ZNF124: variants seen among roughly 807,000 people sequenced by gnomAD.
The protein encoded by ZNF124 is zinc finger protein HZF-16.
A neutral mutation model predicts 26.6 loss-of-function variants in ZNF124; 25 were observed. That is an observed-to-expected ratio of 0.94 (90% confidence interval 0.68 to 1.31). ZNF124 has a LOEUF of 1.31. Among genes scored for constraint, ZNF124 ranks in the 40% most tolerant of loss-of-function variants. ZNF124 has a pLI of 0.00. For synonymous variants in ZNF124, 129 were observed against 133.3 expected, an observed-to-expected ratio of 0.97 and a Z score of 0.22; for missense variants, 444 against 422.2, an observed-to-expected ratio of 1.05 and a Z score of -0.45.
At chr1:247,150,140 T>C (rs1056603250), downstream of ZNF124, among the ~76,000 whole-genome samples, 4 of 152,230 alleles carry the variant, frequency 2.6e-5, no homozygotes, top group African/African-American at 9.6e-5. Flanking sequence ...GGACAAACTT[T>C]TAAGTCACGG....
In ZNF124 at chr1:247,138,424, AC is replaced by A. The variant is rs1452938515; in HGVS notation, c.219-14554del. 1.1e-4 allele frequency: 24 copies of A among 221,752 alleles called. 1 individual carries two copies. In the Middle Eastern group the frequency reaches 9.5e-3, roughly 87 times the overall value. 13.7% of individuals were successfully genotyped at this position (221,752 alleles called of 1,614,324 possible). A position where few individuals can be genotyped will look rare whatever the true frequency, so the allele number is the denominator to read the frequency against. ...TAAGTGAGAGCTGAACATTGAGAAC[AC>A]ATGGAAACAGAGGGGGAACAACACA... On this transcript the variant is annotated intron_variant, in intron 3 of 3. Transcript: ENST00000472531.
intron 3 of ZNF124, among the ~76,000 whole-genome samples, chr1:247,145,050 A>G (rs564568635): frequency 6.6e-6 from 1 of 152,326 alleles, no homozygotes; most frequent in Non-Finnish European, 1.5e-5. Context: ...CTGGGATTAC[A>G]GGCGTGGGCC....
intron 3 of ZNF124, among the ~76,000 whole-genome samples, chr1:247,136,479 C>G (rs1672486396): frequency 6.6e-6 from 1 of 152,132 alleles, no homozygotes; most frequent in Non-Finnish European, 1.5e-5. Flanking sequence ...CAAACCACTG[C>G]TCAAGGAAGT....
At chr1:247,133,396 A>G (rs976577703) in intron 3 of ZNF124, among the ~76,000 whole-genome samples, 2 of 152,164 alleles carry the variant, frequency 1.3e-5, no homozygotes, top group African/African-American at 4.8e-5. Context: ...AACTTCCCCA[A>G]CCTAGCAAGA....
intron 3 of ZNF124, among the ~76,000 whole-genome samples, chr1:247,131,071 C>G (rs2103099942): frequency 6.6e-6 from 1 of 152,254 alleles, no homozygotes; most frequent in Non-Finnish European, 1.5e-5. Flanking sequence ...CAAAACAAAA[C>G]AAACAAACTA....
chr1:247,133,629 A>G (rs1376643355), intron 3 of ZNF124, among the ~76,000 whole-genome samples: 1 of 151,950 alleles, frequency 6.6e-6, no homozygotes, highest in Non-Finnish European at 1.5e-5. Context: ...ATAGGGAGCC[A>G]ATATTCAATC....
intron 1 of ZNF124, among the ~76,000 whole-genome samples, chr1:247,167,920 G>A (rs539343019): frequency 6.6e-6 from 1 of 152,226 alleles, no homozygotes; most frequent in East Asian, 1.9e-4. Context: ...CTCAAAAGAA[G>A]ATATACAAAT....
At chr1:247,146,711 CTTGTTA>C (rs752377661) in intron 3 of ZNF124, among the ~76,000 whole-genome samples, 1 of 152,094 alleles carries the variant, frequency 6.6e-6, no homozygotes, top group Non-Finnish European at 1.5e-5. Context: ...TTCAGGTCTT[CTTGTTA>C]TTGAGAAAAC....
At chr1:247,165,566 CAT>C (rs1212570355) in intron 1 of ZNF124, among the ~76,000 whole-genome samples, 1 of 152,102 alleles carries the variant, frequency 6.6e-6, no homozygotes, top group Non-Finnish European at 1.5e-5. Context: ...ACAAATGGGA[CAT>C]AATTAAACTA....
intron 3 of ZNF124, among the ~76,000 whole-genome samples, chr1:247,131,126 T>G (rs1672352078): frequency 6.6e-6 from 1 of 152,074 alleles, no homozygotes. Flanking sequence ...GCAACCAGGT[T>G]CTCTCATCAA....
downstream of ZNF124, among the ~76,000 whole-genome samples, chr1:247,150,933 A>G (rs956052492): frequency 3.3e-5 from 5 of 152,150 alleles, no homozygotes; most frequent in South Asian, 2.1e-4. Context: ...AAAATACAGA[A>G]AGAGAGAGAC....
At chr1:247,125,356 C>T (rs192762130) in intron 3 of ZNF124, among the ~76,000 whole-genome samples, 236 of 147,812 alleles carry the variant, frequency 1.6e-3, no homozygotes, top group African/African-American at 5.4e-3. Context: ...AGAGTGGCTG[C>T]GCCATTATGC....
chr1:247,152,399 A>G (rs1473637805), downstream of ZNF124, among the ~76,000 whole-genome samples: 3 of 151,554 alleles, frequency 2.0e-5, no homozygotes, highest in African/African-American at 7.3e-5. Flanking sequence ...CAAAAGATAA[A>G]AAGAAAACAG....
chr1:247,136,945 CAAAA>C (rs112254966), intron 3 of ZNF124, among the ~76,000 whole-genome samples: 1 of 124,604 alleles, frequency 8.0e-6, no homozygotes, highest in Non-Finnish European at 1.7e-5. Context: ...AGACCCATCT[CAAAA>C]AAAAAAAAAA....
At chr1:247,148,978 GAAA>G (rs1048387448) in intron 3 of ZNF124, among the ~76,000 whole-genome samples, 2 of 141,764 alleles carry the variant, frequency 1.4e-5, no homozygotes, top group Non-Finnish European at 3.1e-5. Context: ...TCAAAAAAAA[GAAA>G]AAAAAAACAA....
At position 247,156,101 on chromosome 1, in the gene ZNF124, T is replaced by G. The variant is rs1053279616; in HGVS notation, c.*465A>C. ...CCAGTGGGAGTTTTCACATGACCTT[T>G]AAAGTAATTGTTAAAATTCAGAATT... On this transcript the variant is annotated 3_prime_UTR_variant, in exon 4 of 4. Transcript: ENST00000543802. The G allele has an allele frequency of 2.0e-6, 2 of 983,266 alleles. No individual in the cohort carries two copies. Among genetic ancestry groups the G allele is most frequent in the Middle Eastern group, 5.2e-4 (1 of 1,916 alleles). 60.9% of individuals were successfully genotyped at this position (983,266 alleles called of 1,614,324 possible).
intron 3 of ZNF124, chr1:247,138,652 C>T: frequency 2.5e-6 from 1 of 398,394 alleles, no homozygotes; most frequent in African/African-American, 2.1e-5. Flanking sequence ...CGATCAATCA[C>T]ATGGCAATTC....
At chr1:247,172,033 C>T (rs1254622545), upstream of ZNF124, 1 of 65,240 alleles carries the variant, frequency 1.5e-5, no homozygotes, top group African/African-American at 6.4e-5. Flanking sequence ...ACCCGGAAGC[C>T]GCCTCGGGTT....
At chr1:247,161,939 A>G (rs763510952) in intron 1 of ZNF124, among the ~76,000 whole-genome samples, 1 of 152,172 alleles carries the variant, frequency 6.6e-6, no homozygotes, top group Non-Finnish European at 1.5e-5. Context: ...ATTTTTCTCT[A>G]ATGTCCAGAA....
Sources: allele counts gnomAD v4.1 joint callset (sites outside exome capture counted in the v4.1 genomes callset), GRCh38; gene constraint gnomAD v4.1.1; transcripts MANE v1.5; gene names NCBI Gene and HGNC (gene_info 2026-07-23, HGNC 2026-07-21).